Variants in LRRC37A2 observed in about 807,000 individuals in gnomAD.
LRRC37A2 encodes leucine rich repeat containing 37 member A2.
A neutral mutation model predicts 68.8 loss-of-function variants in LRRC37A2; 9 were observed. The observed-to-expected ratio is 0.13, with a 90% confidence interval of 0.08 to 0.23. The LOEUF is 0.23. Among genes scored for constraint, LRRC37A2 ranks in the 10% least tolerant of loss-of-function variants. The probability of loss-of-function intolerance (pLI) is 1.00; values close to 1 mark genes in which losing one functional copy is unlikely to be tolerated. For missense variants in LRRC37A2, 168 were observed against 950.4 expected (o/e 0.18, Z 10.82); for synonymous variants, 63 against 367.6 (o/e 0.17, Z 9.48).
chr17:46,779,448 G>A, the LRRC37A2 span, among the ~76,000 whole-genome samples: 7 of 152,072 alleles, frequency 4.6e-5, no homozygotes, highest in Non-Finnish European at 8.8e-5. Flanking sequence ...CCTTCCCTAG[G>A]ACCCTGCCAC....
the LRRC37A2 span, among the ~76,000 whole-genome samples, chr17:46,877,359 G>A: frequency 1.3e-5 from 2 of 152,204 alleles, no homozygotes; most frequent in Non-Finnish European, 2.9e-5. Context: ...CTGTGCCCTG[G>A]AGCCCTGTGT....
At chr17:47,020,912 T>C in the LRRC37A2 span, among the ~76,000 whole-genome samples, 1 of 151,776 alleles carries the variant, frequency 6.6e-6, no homozygotes, top group South Asian at 2.1e-4. Flanking sequence ...TCTGTGATCC[T>C]TGAGGTGTGG....
At chr17:46,476,525 T>C in the LRRC37A2 span, among the ~76,000 whole-genome samples, 13 of 94,090 alleles carry the variant, frequency 1.4e-4, no homozygotes, top group African/African-American at 3.4e-4. Flanking sequence ...CTACTAAAAA[T>C]ACAAAAAACT....
At chr17:46,490,550 T>G in the LRRC37A2 span, among the ~76,000 whole-genome samples, 1 of 150,548 alleles carries the variant, frequency 6.6e-6, no homozygotes, top group African/African-American at 2.5e-5. Context: ...TGGCGAAACC[T>G]CGTCTCTACT....
chr17:46,760,125 C>T, the LRRC37A2 span, among the ~76,000 whole-genome samples: 15 of 152,126 alleles, frequency 9.9e-5, no homozygotes, highest in African/African-American at 2.4e-4. Context: ...TTTTAATTAC[C>T]ATAGTAGAGT....
chr17:46,779,099 A>C, the LRRC37A2 span, among the ~76,000 whole-genome samples: 91 of 128,628 alleles, frequency 7.1e-4, 2 homozygotes, highest in East Asian at 0.01. Context: ...ACACACACAC[A>C]CACACCCCAG....
the LRRC37A2 span, among the ~76,000 whole-genome samples, chr17:46,982,374 G>A: frequency 6.6e-6 from 1 of 152,192 alleles, no homozygotes; most frequent in East Asian, 1.9e-4. Context: ...GGGTGAGTGA[G>A]GATGCAGAAT....
At chr17:46,959,265 T>C in the LRRC37A2 span, among the ~76,000 whole-genome samples, 3 of 152,192 alleles carry the variant, frequency 2.0e-5, no homozygotes, top group Non-Finnish European at 2.9e-5. Context: ...ACCTCCAATT[T>C]ACAAACATTT....
the LRRC37A2 span, among the ~76,000 whole-genome samples, chr17:46,945,408 A>G: frequency 6.6e-6 from 1 of 152,156 alleles, no homozygotes; most frequent in African/African-American, 2.4e-5. Context: ...TTTGAGGTGC[A>G]ACGTAGTGTG....
At chr17:46,857,250 C>T in the LRRC37A2 span, among the ~76,000 whole-genome samples, 1 of 152,040 alleles carries the variant, frequency 6.6e-6, no homozygotes, top group Non-Finnish European at 1.5e-5. Context: ...GGGCAGATCA[C>T]TTGAGGTCTG....
chr17:46,775,752 T>C, the LRRC37A2 span, among the ~76,000 whole-genome samples: 1 of 151,764 alleles, frequency 6.6e-6, no homozygotes, highest in South Asian at 2.1e-4. Flanking sequence ...TAGCTGGGAC[T>C]ACAGGTGCCC....
chr17:46,833,385 C>T, the LRRC37A2 span: 1 of 518,550 alleles, frequency 1.9e-6, no homozygotes, highest in Non-Finnish European at 3.9e-6. Flanking sequence ...TCTGGCATGC[C>T]AAGGCCTGAA....
At chr17:47,043,630 T>G in the LRRC37A2 span, among the ~76,000 whole-genome samples, 1 of 149,876 alleles carries the variant, frequency 6.7e-6, no homozygotes, top group African/African-American at 2.4e-5. Flanking sequence ...GAGTATGGTT[T>G]TGACCAGTTC....
chr17:46,828,795 CAA>C, the LRRC37A2 span, among the ~76,000 whole-genome samples: 15 of 110,468 alleles, frequency 1.4e-4, no homozygotes, highest in Admixed American at 3.8e-4. Context: ...CCTATCTCTA[CAA>C]AAAAAAAAAA....
chr17:46,839,121 G>T, the LRRC37A2 span, among the ~76,000 whole-genome samples: 2 of 152,080 alleles, frequency 1.3e-5, no homozygotes, highest in African/African-American at 4.8e-5. Flanking sequence ...CAGGAGTTCC[G>T]CCCGCCTCGG....
At chr17:46,958,849 G>A in the LRRC37A2 span, among the ~76,000 whole-genome samples, 1 of 152,214 alleles carries the variant, frequency 6.6e-6, no homozygotes, top group South Asian at 2.1e-4. Context: ...AGCCTGCTCT[G>A]CTCCCCTCCC....
At chr17:46,756,522 C>T in the LRRC37A2 span, 1,548 of 152,356 alleles carry the variant, frequency 0.01, 10 homozygotes, top group Non-Finnish European at 0.015. Context: ...GAGATATGCT[C>T]ATTATTACCA....
the LRRC37A2 span, among the ~76,000 whole-genome samples, chr17:46,413,519 CACAT>C: frequency 3.8e-5 from 1 of 26,046 alleles, no homozygotes; most frequent in African/African-American, 5.9e-5. Flanking sequence ...CACACACACA[CACAT>C]CTTTTATCCT....
At chr17:46,714,016 C>T in the LRRC37A2 span, 181 of 1,592,584 alleles carry the variant, frequency 1.1e-4, 4 homozygotes, top group South Asian at 2.0e-3. Context: ...ATTTTAATTT[C>T]CTATCTCTTA....
Sources: allele counts gnomAD v4.1 joint callset (sites outside exome capture counted in the v4.1 genomes callset), GRCh38; gene constraint gnomAD v4.1.1; transcripts MANE v1.5; gene names NCBI Gene and HGNC (gene_info 2026-07-23, HGNC 2026-07-21).